Variants in GTF2IRD1 observed in about 807,000 individuals in gnomAD.
GTF2IRD1 encodes general transcription factor II-I repeat domain-containing protein 1.
Under a neutral mutation model 113.2 loss-of-function variants are expected in GTF2IRD1, and 26 were observed. The observed-to-expected ratio is 0.23, with a 90% CI of 0.17 to 0.32. The LOEUF is 0.32. Ranked by LOEUF, GTF2IRD1 falls within the 10% of genes least tolerant of loss-of-function variation. The pLI, the probability that GTF2IRD1 is intolerant of heterozygous loss-of-function variation, is 1.00. For synonymous variants in GTF2IRD1, 484 were observed against 529.1 expected (o/e 0.91, Z 1.17); for missense variants, 864 against 1,280.8 (o/e 0.67, Z 4.97).
intron 25 of GTF2IRD1, among the ~76,000 whole-genome samples, chr7:74,597,320 G>A (rs1174338091): frequency 6.6e-6 from 1 of 150,640 alleles, no homozygotes; most frequent in Non-Finnish European, 1.5e-5. Context: ...GGGATTACAG[G>A]CGTAAGCCAC....
At chr7:74,532,128 G>A (rs1252856848) in intron 9 of GTF2IRD1, among the ~76,000 whole-genome samples, 1 of 152,132 alleles carries the variant, frequency 6.6e-6, no homozygotes, top group Non-Finnish European at 1.5e-5. Context: ...GCCCGTGAGG[G>A]CATCTGACCG....
rs1383244587 is a variant in GTF2IRD1, at chr7:74,546,285, A to G, written c.1732+476A>G. ...TGCCCAGGCTGGGGTGTGGTGGCGCAATATCAGCTCACTGCAACCTGCGCT... is the reference window on the plus strand; with the variant it reads ...TGCCCAGGCTGGGGTGTGGTGGCGCGATATCAGCTCACTGCAACCTGCGCT... On this transcript the variant is annotated intron_variant, in intron 16 of 26. Transcript: ENST00000424337. 2.1e-5 allele frequency among the ~76,000 whole-genome samples: 3 copies of G among 143,196 alleles called. No homozygotes were observed. In the Admixed American group the frequency reaches 2.2e-4, roughly 11 times the overall value. 93.9% of individuals were successfully genotyped at this position (143,196 alleles called of 152,430 possible).
At chr7:74,510,587 G>A (rs987922999) in intron 2 of GTF2IRD1, among the ~76,000 whole-genome samples, 1 of 152,008 alleles carries the variant, frequency 6.6e-6, no homozygotes, top group African/African-American at 2.4e-5. Context: ...GGGATTACAG[G>A]TGTGAGCCAC....
chr7:74,559,323 C>G (rs1321586931), intron 21 of GTF2IRD1, among the ~76,000 whole-genome samples: 1 of 152,184 alleles, frequency 6.6e-6, no homozygotes, highest in Non-Finnish European at 1.5e-5. Context: ...GCACCCCCAG[C>G]CCCCGGGAAA....
intron 1 of GTF2IRD1, among the ~76,000 whole-genome samples, chr7:74,454,624 T>C (rs1554326678): frequency 6.6e-6 from 1 of 151,784 alleles, no homozygotes; most frequent in African/African-American, 2.4e-5. Flanking sequence ...GGCCAGCCCC[T>C]GGCCCGCGCC....
Position 74,587,493 on chromosome 7 carries a change from A to ATCAGTCTGC in GTF2IRD1, c.2321-2355_2321-2347dup, listed in dbSNP as rs1181287927. Among the ~76,000 whole-genome samples, 149 of 151,872 alleles carry ATCAGTCTGC rather than the reference A, an allele frequency of 9.8e-4. 1 individual carries two copies. Among genetic ancestry groups the ATCAGTCTGC allele is most frequent in the Non-Finnish European group, 1.9e-4 (13 of 67,932 alleles). The stretch of plus-strand genomic sequence containing the variant: ...AGGAGTCATTTTGCTCCAAAGACCC[A>ATCAGTCTGC]TCAGTCTGCTCTGCCCTGAATCATC... On this transcript the variant is annotated intron_variant, in intron 22 of 26. Coordinates refer to ENST00000424337, the MANE Select transcript of GTF2IRD1 (RefSeq NM_005685.4).
At position 74,527,842 on chromosome 7, in the gene GTF2IRD1, G is replaced by GA. The variant is rs199736534; in HGVS notation, c.1091-1881dup. Among the ~76,000 whole-genome samples, 65 of 147,170 alleles carry GA rather than the reference G, an allele frequency of 4.4e-4. 1 individual carries two copies. In the East Asian group the frequency reaches 6.1e-3, roughly 14 times the overall value. On this transcript the variant is annotated intron_variant, in intron 8 of 26. Transcript: ENST00000424337. ...GGCAACAGAGCAAGACTCCATCAGG[G>GA]AAAAAAAAAAAGTATTTGATGAATG...
At chr7:74,562,448 T>G (rs868918218) in intron 22 of GTF2IRD1, among the ~76,000 whole-genome samples, 1 of 151,794 alleles carries the variant, frequency 6.6e-6, no homozygotes, top group South Asian at 2.1e-4. Flanking sequence ...CTTCACTTCC[T>G]TACCGCCAAG....
chr7:74,486,774 C>T (rs911820660), intron 1 of GTF2IRD1, among the ~76,000 whole-genome samples: 1 of 151,568 alleles, frequency 6.6e-6, no homozygotes, highest in Non-Finnish European at 1.5e-5. Context: ...GAGTTCAGGA[C>T]CAGCCTGAGC....
chr7:74,454,815 G>A (rs1187359021), intron 1 of GTF2IRD1, among the ~76,000 whole-genome samples: 2 of 152,204 alleles, frequency 1.3e-5, no homozygotes, highest in African/African-American at 2.4e-5. Flanking sequence ...AGAGGAGTAA[G>A]TTGGGGATAC....
At chr7:74,576,561 AG>A (rs1371726149) in intron 22 of GTF2IRD1, among the ~76,000 whole-genome samples, 2 of 149,490 alleles carry the variant, frequency 1.3e-5, no homozygotes, top group Non-Finnish European at 3.0e-5. Flanking sequence ...AAAAAAAAAA[AG>A]ATGTCAGCAG....
At position 74,513,063 on chromosome 7, in the gene GTF2IRD1, A is replaced by G. The variant is rs1796726060; in HGVS notation, c.265+92A>G. 5 of 1,284,030 alleles carry G rather than the reference A, an allele frequency of 3.9e-6. No individual in the cohort carries two copies. The East Asian group carries it at 1.2e-4, about 30-fold the overall frequency. The allele number at this position is 1,284,030 out of a possible 1,614,324, so 79.5% of individuals were successfully genotyped here. On this transcript the variant is annotated intron_variant, in intron 3 of 26. Transcript: ENST00000424337. The stretch of plus-strand genomic sequence containing the variant: ...TCTGGGTCCCCAACCCTGTCTAGCC[A>G]GGGTGGCGGTGTGTGGGGAGTGAAC...
At chr7:74,562,542 CGCCAATT>C (rs1328929282) in intron 22 of GTF2IRD1, among the ~76,000 whole-genome samples, 1 of 146,818 alleles carries the variant, frequency 6.8e-6, no homozygotes, top group African/African-American at 2.6e-5. Context: ...GACTATTTTC[CGCCAATT>C]GCCCTCTTTT....
intron 17 of GTF2IRD1, among the ~76,000 whole-genome samples, chr7:74,551,827 T>G (rs2130722205): frequency 6.6e-6 from 1 of 152,130 alleles, no homozygotes; most frequent in South Asian, 2.1e-4. Context: ...TCCCAGCTAC[T>G]CGGGAGGCTG....
At chr7:74,515,231 C>T (rs960981618) in intron 3 of GTF2IRD1, 1 of 960,838 alleles carries the variant, frequency 1.0e-6, no homozygotes, top group Admixed American at 2.1e-5. Flanking sequence ...GAGGCCCAGC[C>T]CTGGGAACTC....
intron 22 of GTF2IRD1, among the ~76,000 whole-genome samples, chr7:74,568,655 AAGAAG>A (rs782575663): frequency 1.3e-5 from 2 of 151,894 alleles, no homozygotes; most frequent in African/African-American, 4.8e-5. Context: ...CTCAAAAAAG[AAGAAG>A]AAGAAGAAGA....
At chr7:74,482,627 C>T (rs1794807622) in intron 1 of GTF2IRD1, among the ~76,000 whole-genome samples, 1 of 152,148 alleles carries the variant, frequency 6.6e-6, no homozygotes, top group African/African-American at 2.4e-5. Flanking sequence ...GCACCCAGAT[C>T]AAGAAACAGC....
At chr7:74,586,302 A>C (rs1262795256) in intron 22 of GTF2IRD1, among the ~76,000 whole-genome samples, 4 of 152,132 alleles carry the variant, frequency 2.6e-5, no homozygotes, top group Non-Finnish European at 5.9e-5. Context: ...GATTCTTCCC[A>C]CATCCTAGTC....
At chr7:74,568,570 C>T (rs1285210184) in intron 22 of GTF2IRD1, among the ~76,000 whole-genome samples, 2 of 152,048 alleles carry the variant, frequency 1.3e-5, no homozygotes, top group Non-Finnish European at 2.9e-5. Flanking sequence ...ATGGCGTGAA[C>T]CCGGGAGGCG....
Sources: allele counts gnomAD v4.1 joint callset (sites outside exome capture counted in the v4.1 genomes callset), GRCh38; gene constraint gnomAD v4.1.1; transcripts MANE v1.5; gene names NCBI Gene and HGNC (gene_info 2026-07-23, HGNC 2026-07-21).